PRDM16: variants seen among roughly 807,000 people sequenced by gnomAD.
PRDM16 encodes histone-lysine N-methyltransferase PRDM16.
A neutral mutation model predicts 110.6 loss-of-function variants in PRDM16; 23 were observed. The observed-to-expected ratio is 0.21, with a 90% CI of 0.15 to 0.29. The LOEUF (loss-of-function observed/expected upper bound fraction) is 0.29. Ranked by LOEUF, PRDM16 falls within the 10% of genes least tolerant of loss-of-function variation. The pLI, the probability that PRDM16 is intolerant of heterozygous loss-of-function variation, is 1.00. For missense variants in PRDM16, 1,615 were observed against 1,794.3 expected (o/e 0.90, Z 1.81); for synonymous variants, 799 against 781.8 (o/e 1.02, Z -0.37).
intron 1 of PRDM16, among the ~76,000 whole-genome samples, chr1:3,170,707 G>C (rs1338243134): frequency 6.6e-6 from 1 of 152,154 alleles, no homozygotes; most frequent in Non-Finnish European, 1.5e-5. Flanking sequence ...GGGGAGCAGG[G>C]GAAGGGAGGG....
At chr1:3,106,617 C>T (rs1374419538) in intron 1 of PRDM16, among the ~76,000 whole-genome samples, 2 of 152,042 alleles carry the variant, frequency 1.3e-5, no homozygotes, top group Non-Finnish European at 1.5e-5. Context: ...GCAGAGCTGG[C>T]AGGAACTGGC....
intron 3 of PRDM16, among the ~76,000 whole-genome samples, chr1:3,334,773 CG>C (rs1557616491): frequency 6.6e-6 from 1 of 152,162 alleles, no homozygotes; most frequent in African/African-American, 2.4e-5. Flanking sequence ...AAGTGCTCGC[CG>C]GGAACAGAGC....
intron 1 of PRDM16, among the ~76,000 whole-genome samples, chr1:3,123,621 G>C (rs2981863): frequency 0.26 from 38,840 of 152,248 alleles, 5,667 homozygotes; most frequent in East Asian, 0.52. Context: ...GGGAGGGGGG[G>C]CAGCCCATCC....
chr1:3,300,870 G>A (rs2500284), intron 3 of PRDM16, among the ~76,000 whole-genome samples: 74,918 of 151,932 alleles, frequency 0.49, 19,663 homozygotes, highest in East Asian at 0.68. Flanking sequence ...TTGTCCTTCA[G>A]CACCACGAAT....
chr1:3,423,569 C>T (rs1557668547), intron 12 of PRDM16, among the ~76,000 whole-genome samples: 1 of 152,246 alleles, frequency 6.6e-6, no homozygotes, highest in Non-Finnish European at 1.5e-5. Context: ...ACGTCCCCAT[C>T]CATGTGACAA....
chr1:3,297,939 A>G (rs2100380108), intron 3 of PRDM16, among the ~76,000 whole-genome samples: 2 of 151,670 alleles, frequency 1.3e-5, no homozygotes, highest in South Asian at 4.2e-4. Flanking sequence ...GCCAGACTGC[A>G]TGGCAAGCTC....
intron 2 of PRDM16, among the ~76,000 whole-genome samples, chr1:3,197,370 T>C (rs1638506266): frequency 6.6e-6 from 1 of 152,140 alleles, no homozygotes; most frequent in Non-Finnish European, 1.5e-5. Flanking sequence ...CGGCCCCAGC[T>C]CGTCGTGGGC....
intron 4 of PRDM16, 61 bp from the exon 5 acceptor site, chr1:3,396,430 A>T (rs1338734630): frequency 1.1e-6 from 1 of 928,066 alleles, no homozygotes; most frequent in Admixed American, 2.0e-5. Context: ...GTGTGCACTG[A>T]GAGGCTCTCC....
chr1:3,386,090 C>A (rs1370996642), intron 4 of PRDM16, among the ~76,000 whole-genome samples: 1 of 152,232 alleles, frequency 6.6e-6, no homozygotes, highest in Non-Finnish European at 1.5e-5. Context: ...CACTCTCAAG[C>A]CAGGCCTCCC....
At position 3,240,329 on chromosome 1, in the gene PRDM16, G is replaced by T. The variant is rs184622623; in HGVS notation, c.388-3758G>T. 1.4e-4 allele frequency among the ~76,000 whole-genome samples: 21 copies of T among 150,196 alleles called. No homozygotes were observed. The South Asian group carries it at 2.6e-3, about 18-fold the overall frequency. ...CTCAGGAGGCTGAGTTGAGAGGATC[G>T]CTTGAGCTCAGGAGGCTGAGGCTGC... is the stretch of plus-strand genomic sequence containing the variant. On this transcript the variant is annotated intron_variant, in intron 2 of 16. Coordinates refer to ENST00000270722, the MANE Select transcript of PRDM16 (RefSeq NM_022114.4).
At chr1:3,384,982 G>C (rs547175575) in intron 3 of PRDM16, among the ~76,000 whole-genome samples, 170 bp from the exon 4 acceptor site, 8 of 152,318 alleles carry the variant, frequency 5.3e-5, no homozygotes, top group Non-Finnish European at 1.0e-4. Flanking sequence ...GCATGGGCAG[G>C]CTGGGTGGGC....
rs1202511024 is a variant in PRDM16, at chr1:3,089,943, T to C, written c.37+20647T>C. Among the ~76,000 whole-genome samples the C allele has an allele frequency of 2.6e-5, 4 of 152,376 alleles. No individual in the cohort carries two copies. The South Asian group carries it at 8.3e-4, about 32-fold the overall frequency. On this transcript the variant is annotated intron_variant, in intron 1 of 16. Coordinates refer to ENST00000270722, the MANE Select transcript of PRDM16 (RefSeq NM_022114.4). ...ATTCATTCATTCATCCATTCATTCC[T>C]GCCACAGTTCCATGACTTTTTACGG...
At chr1:3,108,989 T>C (rs926622971) in intron 1 of PRDM16, among the ~76,000 whole-genome samples, 2 of 151,060 alleles carry the variant, frequency 1.3e-5, no homozygotes, top group Non-Finnish European at 2.9e-5. Context: ...GGCTGAGGTA[T>C]GAGAATTGCT....
At chr1:3,431,201 A>G in intron 15 of PRDM16, 93 bp downstream of exon 15, 12 of 1,485,422 alleles carry the variant, frequency 8.1e-6, no homozygotes, top group Non-Finnish European at 1.1e-5. Flanking sequence ...TCGTGAGCCC[A>G]TCCCTGGCTC....
intron 3 of PRDM16, among the ~76,000 whole-genome samples, chr1:3,367,576 A>C (rs1323219058): frequency 6.6e-6 from 1 of 152,130 alleles, no homozygotes; most frequent in Non-Finnish European, 1.5e-5. Flanking sequence ...CAGCTCTCAA[A>C]AGTGCCGGGC....
chr1:3,371,778 A>C (rs899196945), intron 3 of PRDM16, among the ~76,000 whole-genome samples: 1 of 152,234 alleles, frequency 6.6e-6, no homozygotes, highest in Non-Finnish European at 1.5e-5. Flanking sequence ...GTGGACAGCC[A>C]GCACCCACCG....
chr1:3,337,343 C>T (rs1275367824), intron 3 of PRDM16, among the ~76,000 whole-genome samples: 1 of 152,230 alleles, frequency 6.6e-6, no homozygotes, highest in African/African-American at 2.4e-5. Flanking sequence ...TTCTTCTCCC[C>T]AGTGCTCTGA....
In PRDM16 at chr1:3,069,210, G is replaced by C. The variant is rs1183027279; in HGVS notation, c.-50G>C. ...TGCTGGGGAGATGAAGATAGTGTGT[G>C]GCTGCTTCTGGACTCAAGGAGGAGG... On this transcript the variant is annotated 5_prime_UTR_variant, in exon 1 of 17. Transcript: ENST00000270722. The surrounding 1 kb of genome is among the most constrained non-coding windows in gnomAD (Gnocchi z 6.1). 1.3e-6 allele frequency: 2 copies of C among 1,546,380 alleles called. No homozygotes were observed. Among genetic ancestry groups the C allele is most frequent in the Admixed American group, 1.8e-5 (1 of 56,654 alleles).
At chr1:3,286,734 G>A (rs559390705) in intron 3 of PRDM16, among the ~76,000 whole-genome samples, 5 of 152,292 alleles carry the variant, frequency 3.3e-5, no homozygotes, top group East Asian at 1.9e-4. Flanking sequence ...CAGCCTCTAC[G>A]TGCTGGGCGC....
Sources: allele counts gnomAD v4.1 joint callset (sites outside exome capture counted in the v4.1 genomes callset), GRCh38; gene constraint gnomAD v4.1.1; non-coding constraint Gnocchi (gnomAD v3.1); transcripts MANE v1.5; gene names NCBI Gene and HGNC (gene_info 2026-07-23, HGNC 2026-07-21).